The following TTC28 variants were observed in gnomAD, a reference collection of about 807,000 sequenced individuals.
TTC28 encodes the protein tetratricopeptide repeat protein 28.
Under a neutral mutation model 198.0 loss-of-function variants are expected in TTC28, and 61 were observed. The observed-to-expected ratio is 0.31, with a 90% CI of 0.25 to 0.38. TTC28 has a LOEUF of 0.38. Among genes scored for constraint, TTC28 ranks in the 10% least tolerant of loss-of-function variants. The pLI is 1.00. For synonymous variants in TTC28, 1,171 were observed against 1,297.8 expected, an observed-to-expected ratio of 0.90 and a Z score of 2.10; for missense variants, 2,678 against 3,164.0, an observed-to-expected ratio of 0.85 and a Z score of 3.69.
intron 5 of TTC28, among the ~76,000 whole-genome samples, chr22:28,226,738 T>C (rs1280214612): frequency 6.6e-6 from 1 of 152,220 alleles, no homozygotes; most frequent in African/African-American, 2.4e-5. Flanking sequence ...ATGTTGAGCA[T>C]TTTTTAATGT....
intron 12 of TTC28, among the ~76,000 whole-genome samples, chr22:28,057,241 G>A (rs1429364659): frequency 2.0e-5 from 3 of 152,046 alleles, no homozygotes; most frequent in African/African-American, 7.2e-5. Context: ...CATATTCATA[G>A]TCACTCCAAT....
rs151011604 is a variant in TTC28, at chr22:28,547,197, T to C, written c.381+82355A>G. On this transcript the variant is annotated intron_variant, in intron 2 of 22. Coordinates refer to ENST00000397906, the MANE Select transcript of TTC28 (RefSeq NM_001145418.2). ...GTGATTTTTAAGATCTCTCTGCATG[T>C]GTGTATGTGTGTGTGTGAGTGTGTG... Among the ~76,000 whole-genome samples, 1,023 of 151,000 alleles carry C rather than the reference T, an allele frequency of 6.8e-3. 9 individuals are homozygous for C. Among genetic ancestry groups the C allele is most frequent in the African/African-American group, 0.022 (925 of 41,118 alleles).
intron 2 of TTC28, among the ~76,000 whole-genome samples, chr22:28,381,347 C>T (rs1278000026): frequency 6.6e-6 from 1 of 152,012 alleles, no homozygotes; most frequent in Non-Finnish European, 1.5e-5. Context: ...AATGAATAAG[C>T]CTACCTTAGA....
intron 1 of TTC28, among the ~76,000 whole-genome samples, chr22:28,632,456 G>A (rs2051193185): frequency 1.3e-5 from 2 of 151,002 alleles, no homozygotes; most frequent in South Asian, 4.2e-4. Flanking sequence ...TACTGGAAGT[G>A]GCCAACCAAT....
intron 12 of TTC28, among the ~76,000 whole-genome samples, chr22:28,065,140 G>A (rs1940703006): frequency 6.6e-6 from 1 of 152,072 alleles, no homozygotes; most frequent in Admixed American, 6.6e-5. Context: ...AACCTCATTG[G>A]GTCAGCCAGG....
chr22:28,194,000 C>T (rs1028666548), intron 5 of TTC28, among the ~76,000 whole-genome samples: 25 of 152,176 alleles, frequency 1.6e-4, no homozygotes, highest in Middle Eastern at 6.8e-3. Context: ...CTCAGCACCA[C>T]ATCACACTTA....
chr22:28,649,173 C>T (rs2051527684), intron 1 of TTC28, among the ~76,000 whole-genome samples: 1 of 151,992 alleles, frequency 6.6e-6, no homozygotes, highest in South Asian at 2.1e-4. Context: ...TACACAAAGA[C>T]ATATAGAGTG....
At chr22:28,619,441 C>T (rs1394351156) in intron 2 of TTC28, among the ~76,000 whole-genome samples, 1 of 152,102 alleles carries the variant, frequency 6.6e-6, no homozygotes, top group Non-Finnish European at 1.5e-5. Flanking sequence ...GCGTATTATG[C>T]CAATATACAT....
At chr22:28,014,930 T>C (rs1009627392) in intron 13 of TTC28, among the ~76,000 whole-genome samples, 2 of 152,244 alleles carry the variant, frequency 1.3e-5, no homozygotes, top group Non-Finnish European at 2.9e-5. Flanking sequence ...ATTGGGAAGA[T>C]GCTATGACCA....
chr22:28,555,959 C>A (rs139723708), intron 2 of TTC28, among the ~76,000 whole-genome samples: 1 of 151,958 alleles, frequency 6.6e-6, no homozygotes, highest in Non-Finnish European at 1.5e-5. Flanking sequence ...TGTTGCTCAT[C>A]ATCATATATC....
intron 9 of TTC28, among the ~76,000 whole-genome samples, chr22:28,099,689 T>C (rs1294024471): frequency 6.6e-6 from 1 of 152,216 alleles, no homozygotes; most frequent in African/African-American, 2.4e-5. Flanking sequence ...TTAAAACAGA[T>C]ATTAATCCAC....
chr22:28,569,211 C>G (rs555091471), intron 2 of TTC28, among the ~76,000 whole-genome samples: 2 of 146,716 alleles, frequency 1.4e-5, no homozygotes, highest in South Asian at 4.4e-4. Flanking sequence ...TCACATGGAG[C>G]CAAAAAAGAG....
At chr22:28,121,777 C>T (rs1246323342) in intron 6 of TTC28, among the ~76,000 whole-genome samples, 3 of 152,214 alleles carry the variant, frequency 2.0e-5, no homozygotes, top group Admixed American at 2.0e-4. Context: ...GCCTTTCTTA[C>T]AGCTAGGGTT....
At chr22:28,142,282 C>T (rs929977575) in intron 6 of TTC28, among the ~76,000 whole-genome samples, 2 of 152,150 alleles carry the variant, frequency 1.3e-5, no homozygotes, top group Admixed American at 6.5e-5. Flanking sequence ...AGTCACAAAT[C>T]GAATACTCAA....
At chr22:28,361,796 T>C (rs943117436) in intron 2 of TTC28, among the ~76,000 whole-genome samples, 1 of 152,238 alleles carries the variant, frequency 6.6e-6, no homozygotes, top group Non-Finnish European at 1.5e-5. Flanking sequence ...ATGCCACTGA[T>C]GACTTTAAGT....
intron 5 of TTC28, among the ~76,000 whole-genome samples, chr22:28,245,901 T>C (rs1286165493): frequency 6.6e-6 from 1 of 152,218 alleles, no homozygotes; most frequent in Non-Finnish European, 1.5e-5. Flanking sequence ...ACAGTAAATA[T>C]TCATGAATAC....
At chr22:28,237,541 T>C (rs759817639) in intron 5 of TTC28, among the ~76,000 whole-genome samples, 1 of 152,202 alleles carries the variant, frequency 6.6e-6, no homozygotes, top group Non-Finnish European at 1.5e-5. Context: ...TCCCTCTTAT[T>C]CTTTGAGCTA....
intron 6 of TTC28, among the ~76,000 whole-genome samples, chr22:28,149,273 G>T (rs1943549410): frequency 6.6e-6 from 1 of 152,188 alleles, no homozygotes; most frequent in Non-Finnish European, 1.5e-5. Flanking sequence ...AGGCATGAAT[G>T]GGATCAGTAT....
At chr22:28,411,717 G>A (rs911257345) in intron 2 of TTC28, among the ~76,000 whole-genome samples, 1 of 152,092 alleles carries the variant, frequency 6.6e-6, no homozygotes, top group African/African-American at 2.4e-5. Context: ...GCCTTAAGAA[G>A]AATAGTTCCA....
Sources: allele counts gnomAD v4.1 joint callset (sites outside exome capture counted in the v4.1 genomes callset), GRCh38; gene constraint gnomAD v4.1.1; transcripts MANE v1.5; gene names NCBI Gene and HGNC (gene_info 2026-07-23, HGNC 2026-07-21).